CADM2: variants seen among roughly 807,000 people sequenced by gnomAD.
CADM2 encodes cell adhesion molecule 2.
CADM2 carries 12 observed loss-of-function variants against 49.8 expected under a neutral mutation model. The observed-to-expected ratio is 0.24, with a 90% CI of 0.15 to 0.39. The LOEUF (loss-of-function observed/expected upper bound fraction) is 0.39, where lower values mean the gene tolerates loss of function less well. Among genes scored for constraint, CADM2 ranks in the 10% least tolerant of loss-of-function variants. The pLI, the probability that CADM2 is intolerant of heterozygous loss-of-function variation, is 1.00. For missense variants in CADM2, 378 were observed against 492.3 expected (o/e 0.77, Z 2.20); for synonymous variants, 214 against 175.4 (o/e 1.22, Z -1.74).
chr3:85,464,934 G>A (rs1251027295), intron 1 of CADM2, among the ~76,000 whole-genome samples: 1 of 152,104 alleles, frequency 6.6e-6, no homozygotes, highest in Non-Finnish European at 1.5e-5. Context: ...TGGATCACAA[G>A]GTCAGCAGAT....
At chr3:85,638,833 A>G (rs1379997688) in intron 1 of CADM2, among the ~76,000 whole-genome samples, 2 of 152,266 alleles carry the variant, frequency 1.3e-5, no homozygotes, top group Admixed American at 1.3e-4. Context: ...TGTAAAAAGT[A>G]TATAAAAAGA....
chr3:84,988,208 G>C (rs1221962518), intron 1 of CADM2, among the ~76,000 whole-genome samples: 1 of 152,184 alleles, frequency 6.6e-6, no homozygotes, highest in African/African-American at 2.4e-5. Context: ...AGAGGCATTT[G>C]CTTCTCCTGA....
chr3:85,675,083 C>T (rs2065853395), intron 1 of CADM2, among the ~76,000 whole-genome samples: 1 of 152,224 alleles, frequency 6.6e-6, no homozygotes, highest in Non-Finnish European at 1.5e-5. Context: ...GACTTATGCT[C>T]ATTGATTTAC....
chr3:85,486,909 C>T (rs1027990664), intron 1 of CADM2, among the ~76,000 whole-genome samples: 1 of 151,704 alleles, frequency 6.6e-6, no homozygotes, highest in Non-Finnish European at 1.5e-5. Flanking sequence ...TTAAGTTTTA[C>T]CTTTGAATAT....
intron 3 of CADM2, among the ~76,000 whole-genome samples, chr3:85,831,301 A>G (rs1012106502): frequency 1.3e-5 from 2 of 151,996 alleles, no homozygotes; most frequent in African/African-American, 4.8e-5. Context: ...ATATTAATAC[A>G]TATGACTTTT....
chr3:85,429,710 G>T (rs1008848447), intron 1 of CADM2, among the ~76,000 whole-genome samples: 1 of 152,102 alleles, frequency 6.6e-6, no homozygotes, highest in Non-Finnish European at 1.5e-5. Context: ...ATAGTAAAAT[G>T]GAGGAGGTTG....
intron 1 of CADM2, among the ~76,000 whole-genome samples, chr3:85,124,017 G>A (rs1186585959): frequency 6.6e-6 from 1 of 152,204 alleles, no homozygotes; most frequent in Non-Finnish European, 1.5e-5. Flanking sequence ...GTTGATCAAT[G>A]AGCTATGTTG....
At chr3:85,886,040 G>A in intron 4 of CADM2, 150 bp from the exon 5 acceptor site, 3 of 1,137,218 alleles carry the variant, frequency 2.6e-6, no homozygotes, top group Non-Finnish European at 3.7e-6. Context: ...ACACACATAT[G>A]AAGCAGTTTA....
intron 2 of CADM2, among the ~76,000 whole-genome samples, chr3:85,759,464 A>T (rs1232500558): frequency 6.6e-6 from 1 of 151,992 alleles, no homozygotes. Flanking sequence ...AATAAAGATC[A>T]CTCCTACCTG....
chr3:85,497,237 T>C (rs1266329878), intron 1 of CADM2, among the ~76,000 whole-genome samples: 1 of 152,132 alleles, frequency 6.6e-6, no homozygotes, highest in Admixed American at 6.5e-5. Context: ...TTCTGAATAT[T>C]AGTCCCTTCT....
intron 1 of CADM2, among the ~76,000 whole-genome samples, chr3:85,350,112 C>T (rs1455035704): frequency 3.3e-5 from 5 of 152,098 alleles, no homozygotes; most frequent in Admixed American, 6.6e-5. Context: ...AGAGGAATAG[C>T]GCAAAGTCAT....
chr3:85,973,504 A>G (rs1726409413), intron 8 of CADM2, among the ~76,000 whole-genome samples: 1 of 151,804 alleles, frequency 6.6e-6, no homozygotes, highest in Non-Finnish European at 1.5e-5. Context: ...TCAGGAAACA[A>G]AAATGCAAGC....
At chr3:85,304,886 A>G (rs1052264730) in intron 1 of CADM2, among the ~76,000 whole-genome samples, 3 of 151,690 alleles carry the variant, frequency 2.0e-5, no homozygotes, top group African/African-American at 7.2e-5. Context: ...ATGACTCTCT[A>G]TTTCCATAGT....
At chr3:85,237,509 T>A (rs1361519240) in intron 1 of CADM2, among the ~76,000 whole-genome samples, 1 of 151,378 alleles carries the variant, frequency 6.6e-6, no homozygotes, top group African/African-American at 2.4e-5. Context: ...ACTTGATAAG[T>A]TTTTTATAAT....
At chr3:85,980,168 T>C (rs1020954362) in intron 8 of CADM2, among the ~76,000 whole-genome samples, 7 of 151,594 alleles carry the variant, frequency 4.6e-5, no homozygotes, top group Non-Finnish European at 1.0e-4. Context: ...ATATGTTTCA[T>C]GTCACCTTGG....
chr3:85,990,565 G>A lies in CADM2; in HGVS notation c.970+28918G>A, dbSNP rs7623927. On this transcript the variant is annotated intron_variant, in intron 8 of 9. Coordinates refer to ENST00000383699, the MANE Select transcript of CADM2 (RefSeq NM_001167675.2). ...TTATGGAACTTGATAAGGCTGCTTT[G>A]TTAGTAGATACTAACCTTATAATTT... Among the ~76,000 whole-genome samples, 1,047 of 152,200 alleles carry A rather than the reference G, an allele frequency of 6.9e-3. 13 individuals carry two copies. The highest frequency in any genetic ancestry group is 0.024 in the African/African-American group (976 of 41,532).
chr3:86,006,226 C>A (rs1239201158), intron 8 of CADM2, among the ~76,000 whole-genome samples: 1 of 152,148 alleles, frequency 6.6e-6, no homozygotes, highest in African/African-American at 2.4e-5. Flanking sequence ...TTTTTATAAG[C>A]AGTATTTTTT....
rs187211610 is a variant in CADM2, at chr3:84,978,701, G to A, written c.61+19033G>A. Among the ~76,000 whole-genome samples, 93 of 152,194 alleles carry A rather than the reference G, an allele frequency of 6.1e-4. 1 individual carries two copies. The highest frequency in any genetic ancestry group is 2.2e-3 in the African/African-American group (91 of 41,534). Reference sequence around the variant, plus strand: ...CTGTTTTATTGCTTAACATTGCTAGGAGTTCAGCATGTGTGTTCTTTTTTA... The same window carrying A: ...CTGTTTTATTGCTTAACATTGCTAGAAGTTCAGCATGTGTGTTCTTTTTTA... On this transcript the variant is annotated intron_variant, in intron 1 of 9. Transcript: ENST00000383699.
chr3:85,974,758 T>A (rs1396809587), intron 8 of CADM2, among the ~76,000 whole-genome samples: 6 of 151,710 alleles, frequency 4.0e-5, no homozygotes, highest in African/African-American at 1.2e-4. Context: ...CATGAATAAC[T>A]TTTGCAGCCT....
Sources: gnomAD v4.1 joint callset for allele counts (sites outside exome capture counted in the v4.1 genomes callset) on GRCh38, gnomAD v4.1.1 for gene constraint, MANE v1.5 for transcripts, NCBI Gene and HGNC (gene_info 2026-07-23, HGNC 2026-07-21) for gene names.